Variants in RBMS1 observed in about 807,000 individuals in gnomAD.
RBMS1 encodes the protein RNA binding motif single stranded interacting protein 1.
In RBMS1, 17 loss-of-function variants were observed where a neutral mutation model predicts 62.3. The observed-to-expected ratio is 0.27, with a 90% confidence interval of 0.19 to 0.41. The LOEUF is 0.41. Among genes scored for constraint, RBMS1 ranks in the 10% least tolerant of loss-of-function variants. The pLI is 1.00. For missense variants in RBMS1, 334 were observed against 504.5 expected (o/e 0.66, Z 3.24); for synonymous variants, 172 against 170.0 (o/e 1.01, Z -0.09).
chr2:160,430,623 A>G (rs946396291), intron 1 of RBMS1, among the ~76,000 whole-genome samples: 4 of 152,224 alleles, frequency 2.6e-5, no homozygotes, highest in African/African-American at 9.6e-5. Context: ...TAGTTAATCT[A>G]AACAATTGTA....
At chr2:160,301,322 A>G (rs1689195543) in intron 5 of RBMS1, among the ~76,000 whole-genome samples, 1 of 152,212 alleles carries the variant, frequency 6.6e-6, no homozygotes, top group African/African-American at 2.4e-5. Flanking sequence ...TAACTTTACA[A>G]CTTAGTCAAT....
At chr2:160,482,410 A>C (rs528558544) in intron 1 of RBMS1, among the ~76,000 whole-genome samples, 115 of 114,818 alleles carry the variant, frequency 1.0e-3, no homozygotes, top group African/African-American at 3.6e-3. Context: ...GCACTATATA[A>C]GTTTTAAATA....
chr2:160,407,822 G>A, intron 1 of RBMS1: 1 of 981,316 alleles, frequency 1.0e-6, no homozygotes, highest in Non-Finnish European at 1.2e-6. Flanking sequence ...GCGCGGAGCT[G>A]GCGGCGTCGC....
At chr2:160,311,923 TAAATATCA>T (rs1192697366) in intron 4 of RBMS1, among the ~76,000 whole-genome samples, 1 of 152,194 alleles carries the variant, frequency 6.6e-6, no homozygotes, top group Non-Finnish European at 1.5e-5. Flanking sequence ...GACTGGGACA[TAAATATCA>T]GTTTATTCAA....
At chr2:160,343,688 A>G (rs1692015386) in intron 2 of RBMS1, among the ~76,000 whole-genome samples, 1 of 152,204 alleles carries the variant, frequency 6.6e-6, no homozygotes, top group Non-Finnish European at 1.5e-5. Flanking sequence ...GGCATCTGTG[A>G]TTGTAAAATA....
intron 2 of RBMS1, among the ~76,000 whole-genome samples, chr2:160,319,720 T>C (rs574078685): frequency 3.9e-4 from 60 of 152,238 alleles, no homozygotes; most frequent in Non-Finnish European, 7.5e-4. Flanking sequence ...TGGAAGTATT[T>C]TGTAGCATTT....
At chr2:160,387,404 T>C (rs1402743423) in intron 1 of RBMS1, among the ~76,000 whole-genome samples, 1 of 152,094 alleles carries the variant, frequency 6.6e-6, no homozygotes, top group South Asian at 2.1e-4. Context: ...TAAATGTTTT[T>C]TCCTAAAGGT....
At chr2:160,276,087 C>A (rs566111192) in intron 12 of RBMS1, among the ~76,000 whole-genome samples, 1 of 152,286 alleles carries the variant, frequency 6.6e-6, no homozygotes, top group Non-Finnish European at 1.5e-5. Flanking sequence ...GGGTCTAGGG[C>A]TGCACCTCAT....
chr2:160,305,168 A>T (rs1045298161), intron 4 of RBMS1, among the ~76,000 whole-genome samples: 2 of 152,188 alleles, frequency 1.3e-5, no homozygotes, highest in African/African-American at 4.8e-5. Context: ...GAAATTTTTT[A>T]AAATAAATTT....
chr2:160,433,396 A>G (rs1292223546), intron 1 of RBMS1, among the ~76,000 whole-genome samples: 8 of 152,246 alleles, frequency 5.3e-5, no homozygotes, highest in South Asian at 2.1e-4. Flanking sequence ...CCTGGCCCAC[A>G]GTGTGAGACC....
chr2:160,376,225 G>A (rs1464705907), intron 1 of RBMS1, among the ~76,000 whole-genome samples: 1 of 152,142 alleles, frequency 6.6e-6, no homozygotes, highest in East Asian at 1.9e-4. Flanking sequence ...ACTTATATGA[G>A]TAAGCTTATA....
intron 6 of RBMS1, among the ~76,000 whole-genome samples, chr2:160,298,078 C>T (rs761655562): frequency 7.2e-5 from 11 of 152,002 alleles, no homozygotes; most frequent in Non-Finnish European, 1.6e-4. Flanking sequence ...GAGAGATGAT[C>T]AGAAATTAAA....
At position 160,316,635 on chromosome 2, in the gene RBMS1, G is replaced by C. The variant is rs76767383; in HGVS notation, c.310+1534C>G. 0.017 allele frequency among the ~76,000 whole-genome samples: 2,597 copies of C among 152,276 alleles called. 198 individuals carry two copies. The East Asian group carries it at 0.23, about 14-fold the overall frequency. The stretch of plus-strand genomic sequence containing the variant: ...TGGAATAGGTTGCTTTTGGAGCAGA[G>C]TGTAAAATAGTGTGGTTTTCAGTTC... On this transcript the variant is annotated intron_variant, in intron 3 of 13. Coordinates refer to ENST00000348849, the MANE Select transcript of RBMS1 (RefSeq NM_016836.4).
At chr2:160,370,897 C>T (rs1238197853) in intron 1 of RBMS1, among the ~76,000 whole-genome samples, 1 of 151,982 alleles carries the variant, frequency 6.6e-6, no homozygotes, top group Non-Finnish European at 1.5e-5. Context: ...TTTAAGTTGA[C>T]TTAATTAACA....
intron 6 of RBMS1, among the ~76,000 whole-genome samples, chr2:160,290,702 G>A (rs1237601599): frequency 2.0e-5 from 3 of 152,152 alleles, no homozygotes; most frequent in Non-Finnish European, 4.4e-5. Flanking sequence ...CTTGACAACT[G>A]CAGTGTTACC....
intron 1 of RBMS1, among the ~76,000 whole-genome samples, chr2:160,368,145 G>T (rs116708493): frequency 3.9e-5 from 6 of 152,116 alleles, no homozygotes; most frequent in African/African-American, 1.4e-4. Flanking sequence ...TCTGTGCACC[G>T]ACTGAAAGAA....
intron 1 of RBMS1, among the ~76,000 whole-genome samples, chr2:160,457,570 A>G (rs1574083910): frequency 6.6e-6 from 1 of 152,234 alleles, no homozygotes; most frequent in East Asian, 1.9e-4. Context: ...TGCAGAACTA[A>G]TGGCTTCAAG....
At chr2:160,392,789 G>A (rs2105215124) in intron 1 of RBMS1, among the ~76,000 whole-genome samples, 1 of 152,182 alleles carries the variant, frequency 6.6e-6, no homozygotes, top group South Asian at 2.1e-4. Context: ...CTATTTGGGT[G>A]GCTAAGGTGG....
At chr2:160,482,920 A>C (rs1264024433) in intron 1 of RBMS1, among the ~76,000 whole-genome samples, 2 of 152,204 alleles carry the variant, frequency 1.3e-5, no homozygotes, top group Non-Finnish European at 2.9e-5. Flanking sequence ...CAGTCAAATC[A>C]AATTTTGAAG....
Sources: gnomAD v4.1 joint callset for allele counts (sites outside exome capture counted in the v4.1 genomes callset) on GRCh38, gnomAD v4.1.1 for gene constraint, MANE v1.5 for transcripts, NCBI Gene and HGNC (gene_info 2026-07-23, HGNC 2026-07-21) for gene names.